Variants in DNAH11 observed in about 807,000 individuals in gnomAD.
The protein encoded by DNAH11 is axonemal beta dynein heavy chain 11.
A neutral mutation model predicts 526.0 loss-of-function variants in DNAH11; 442 were observed. The observed-to-expected ratio is 0.84, with a 90% confidence interval of 0.78 to 0.91. DNAH11 has a LOEUF of 0.91. Among genes scored for constraint, DNAH11 ranks in the 40% least tolerant of loss-of-function variants. The pLI is 0.00. For synonymous variants in DNAH11, 2,461 were observed against 1,935.9 expected (o/e 1.27, Z -7.12); for missense variants, 6,989 against 5,448.7 (o/e 1.28, Z -8.90).
At position 21,842,668 on chromosome 7, in the gene DNAH11, A is replaced by G; in HGVS notation, c.10816A>G (p.Thr3606Ala). Reference sequence around the variant, plus strand: ...AGCTCAGACAACTCTCCTCAATTTCACAGTCACAGAAGATGGTCTAGAAGC... The same window carrying G: ...AGCTCAGACAACTCTCCTCAATTTCGCAGTCACAGAAGATGGTCTAGAAGC... ...LQAQTTLLNF[T>A]VTEDGLEAQL... Residue 3606 changes from threonine (T) to alanine (A), a missense_variant, in exon 66 of 82, where the codon ACA (threonine) becomes GCA (alanine). Coordinates refer to ENST00000409508, the MANE Select transcript of DNAH11 (RefSeq NM_001277115.2). 1 of 1,613,896 alleles carries G rather than the reference A, an allele frequency of 6.2e-7. No homozygotes were observed.
intron 36 of DNAH11, 75 bp from the exon 37 acceptor site, chr7:21,702,635 T>G: frequency 1.5e-6 from 2 of 1,293,166 alleles, no homozygotes; most frequent in Admixed American, 2.0e-5. Context: ...TTAAAAACTT[T>G]CAGCTCTTAC....
Position 21,600,139 on chromosome 7 carries a change from G to A in DNAH11, c.3000+20G>A, listed in dbSNP as rs749028597. ...TATCAGGTATTTTCTTAGTAAATGG[G>A]TATTTAGCTTTTATATTAATGATTC... On this transcript the variant is annotated intron_variant, in intron 15 of 81. Transcript: ENST00000409508. 13 of 1,506,892 alleles carry A rather than the reference G, an allele frequency of 8.6e-6. No individual in the cohort carries two copies. The highest frequency in any genetic ancestry group is 8.6e-5 in the Admixed American group (4 of 46,608). The allele number at this position is 1,506,892 out of a possible 1,614,324, so 93.3% of individuals were successfully genotyped here.
chr7:21,714,687 G>A (rs150864274), intron 42 of DNAH11, among the ~76,000 whole-genome samples: 29 of 152,212 alleles, frequency 1.9e-4, no homozygotes, highest in African/African-American at 7.0e-4. Context: ...TAGAAAAGTT[G>A]GAAAGGTAGT....
chr7:21,688,304 T>G (rs1465446927), intron 34 of DNAH11, among the ~76,000 whole-genome samples: 1 of 152,190 alleles, frequency 6.6e-6, no homozygotes, highest in African/African-American at 2.4e-5. Context: ...ACTACTGTGA[T>G]GATTAAATGC....
At chr7:21,576,011 G>T (rs12670286) in intron 8 of DNAH11, among the ~76,000 whole-genome samples, 23,363 of 152,148 alleles carry the variant, frequency 0.15, 2,416 homozygotes, top group East Asian at 0.5. Flanking sequence ...GAAAGAGGGA[G>T]ATGTACTTTT....
At chr7:21,757,666 CA>C (rs1562528802) in intron 54 of DNAH11, among the ~76,000 whole-genome samples, 3 of 152,150 alleles carry the variant, frequency 2.0e-5, no homozygotes, top group Admixed American at 6.5e-5. Flanking sequence ...CACGTAGAGA[CA>C]GTAATTCACA....
chr7:21,740,212 T>C (rs1339016295), intron 48 of DNAH11, among the ~76,000 whole-genome samples: 1 of 152,174 alleles, frequency 6.6e-6, no homozygotes, highest in East Asian at 1.9e-4. Context: ...TCTTTTCTAT[T>C]ATTATTGTTG....
intron 28 of DNAH11, among the ~76,000 whole-genome samples, chr7:21,639,472 A>T (rs115535950): frequency 1.1e-3 from 174 of 152,288 alleles, no homozygotes; most frequent in African/African-American, 4.0e-3. Context: ...TCACCTTCAT[A>T]ATTATGACAT....
intron 46 of DNAH11, among the ~76,000 whole-genome samples, chr7:21,737,096 T>A (rs1785650285): frequency 6.6e-6 from 1 of 152,326 alleles, no homozygotes; most frequent in South Asian, 2.1e-4. Context: ...TAGTTGTCAG[T>A]ATACTTGTAA....
intron 20 of DNAH11, among the ~76,000 whole-genome samples, chr7:21,608,891 C>G (rs565138493): frequency 2.6e-5 from 4 of 152,074 alleles, no homozygotes; most frequent in Non-Finnish European, 4.4e-5. Context: ...GCTGGGTGAA[C>G]TTTTTCTTGA....
intron 8 of DNAH11, among the ~76,000 whole-genome samples, chr7:21,579,565 C>T (rs1367414018): frequency 6.6e-6 from 1 of 152,062 alleles, no homozygotes; most frequent in African/African-American, 2.4e-5. Context: ...AGGAGAGAGA[C>T]AGAATGTGAT....
At chr7:21,775,541 C>T (rs1787634781) in intron 56 of DNAH11, among the ~76,000 whole-genome samples, 2 of 151,930 alleles carry the variant, frequency 1.3e-5, no homozygotes, top group African/African-American at 4.8e-5. Context: ...TCCCTTGAGC[C>T]CAAGAGTTTG....
chr7:21,772,374 C>A (rs1787478377), intron 55 of DNAH11, among the ~76,000 whole-genome samples: 1 of 147,858 alleles, frequency 6.8e-6, no homozygotes, highest in Non-Finnish European at 1.5e-5. Context: ...TTTTCCCTTC[C>A]TGTAAGGAGG....
At chr7:21,544,240 A>G (rs1782717799) in intron 1 of DNAH11, among the ~76,000 whole-genome samples, 2 of 152,246 alleles carry the variant, frequency 1.3e-5, no homozygotes, top group Admixed American at 1.3e-4. Flanking sequence ...TTTTTCAAGT[A>G]TGATGAGTTT....
intron 69 of DNAH11, among the ~76,000 whole-genome samples, chr7:21,862,963 C>A (rs1783122166): frequency 6.7e-6 from 1 of 149,368 alleles, no homozygotes; most frequent in African/African-American, 2.5e-5. Flanking sequence ...ACTTGGGAAG[C>A]TGAGGCAGGA....
intron 26 of DNAH11, among the ~76,000 whole-genome samples, chr7:21,636,930 G>A (rs989321342): frequency 6.6e-6 from 1 of 152,104 alleles, no homozygotes; most frequent in East Asian, 1.9e-4. Flanking sequence ...TTTCTTTTCT[G>A]TAAAAGCCAT....
intron 62 of DNAH11, among the ~76,000 whole-genome samples, chr7:21,806,669 C>T (rs563191052): frequency 1.2e-4 from 18 of 152,284 alleles, no homozygotes; most frequent in Admixed American, 1.2e-3. Context: ...CTTGTACTAA[C>T]AAATTGCTGA....
In DNAH11 at chr7:21,818,328, TAAA is replaced by T; in HGVS notation, c.10684_10686del (p.Lys3562del). 1 of 1,604,092 alleles carries T rather than the reference TAAA, an allele frequency of 6.2e-7. No individual in the cohort carries two copies. Among genetic ancestry groups the T allele is most frequent in the Non-Finnish European group, 8.5e-7 (1 of 1,177,012 alleles). ...ATCCACTACTTGGCAGGAACACAAT[TAAA>T]AAAGGAAAGTAAGTATTCTTGAATT... On this transcript the variant is annotated inframe_deletion, in exon 65 of 82. Coordinates refer to ENST00000409508, the MANE Select transcript of DNAH11 (RefSeq NM_001277115.2).
In DNAH11 at chr7:21,620,474, A is replaced by C. The variant is rs11979287; in HGVS notation, c.4500+396A>C. Among the ~76,000 whole-genome samples, 70 of 151,424 alleles carry C rather than the reference A, an allele frequency of 4.6e-4. 1 individual carries two copies. In the South Asian group the frequency reaches 0.012, roughly 27 times the overall value. On this transcript the variant is annotated intron_variant, in intron 25 of 81. Coordinates refer to ENST00000409508, the MANE Select transcript of DNAH11 (RefSeq NM_001277115.2). ...ATTCCACGTGTAGATGGCATCGTAC[A>C]ATATTTGTCTTTTTGTTCCTGGCTT... is the stretch of plus-strand genomic sequence containing the variant.
Sources: allele counts gnomAD v4.1 joint callset (sites outside exome capture counted in the v4.1 genomes callset), GRCh38; gene constraint gnomAD v4.1.1; transcripts MANE v1.5; gene names NCBI Gene and HGNC (gene_info 2026-07-23, HGNC 2026-07-21).